The following ZSCAN32 variants were observed in gnomAD, a reference collection of about 807,000 sequenced individuals.
The protein encoded by ZSCAN32 is zinc finger and SCAN domain-containing protein 32.
Under a neutral mutation model 47.4 loss-of-function variants are expected in ZSCAN32, and 52 were observed. The ratio of observed to expected loss-of-function variants is 1.10; its 90% CI spans 0.88 to 1.38. ZSCAN32 has a LOEUF of 1.38. Ranked by LOEUF, ZSCAN32 falls within the 40% of genes most tolerant of loss-of-function variation. The pLI is 0.00. For synonymous variants in ZSCAN32, 346 were observed against 305.7 expected (o/e 1.13, Z -1.38); for missense variants, 959 against 846.0 (o/e 1.13, Z -1.66).
intron 3 of ZSCAN32, among the ~76,000 whole-genome samples, chr16:3,391,768 G>T (rs1267979111): frequency 1.3e-5 from 2 of 148,192 alleles, no homozygotes; most frequent in African/African-American, 5.0e-5. Context: ...ACATCATCAA[G>T]ACACACTGTT....
chr16:3,383,018 T>C lies in ZSCAN32; in HGVS notation c.1928A>G (p.Asn643Ser), dbSNP rs1277788549. ...YKCAVCGKIF[N>S]NSSHFSAHRK... ...GTGGGCACTGAAGTGGGAGCTATTG[T>C]TGAAGATTTTCCCACACACTGCACA... The change falls in exon 7 of 7, where the codon AAC becomes AGC. Residue 643 changes from asparagine (N) to serine (S), a missense_variant. Coordinates refer to ENST00000396852, the MANE Select transcript of ZSCAN32 (RefSeq NM_001284527.2). 1.2e-6 allele frequency: 2 copies of C among 1,614,122 alleles called. No homozygotes were observed. The highest frequency in any genetic ancestry group is 8.5e-7 in the Non-Finnish European group (1 of 1,179,976).
At position 3,384,228 on chromosome 16, in the gene ZSCAN32, T is replaced by A. The variant is rs188295915; in HGVS notation, c.1234+231A>T. ...TCTGACAATGCATAGTGAAACTCCA[T>A]GGGAAAAGATGACATGAACTTAGTT... is the stretch of plus-strand genomic sequence containing the variant. On this transcript the variant is annotated intron_variant, in intron 6 of 6. Transcript: ENST00000396852. 1.4e-3 allele frequency: 864 copies of A among 612,128 alleles called. 5 individuals carry two copies. Among genetic ancestry groups the A allele is most frequent in the African/African-American group, 0.014 (751 of 54,136 alleles). The allele number at this position is 612,128 out of a possible 1,614,324, so 37.9% of individuals were successfully genotyped here.
At chr16:3,399,984 T>C (rs2033735885) in intron 1 of ZSCAN32, among the ~76,000 whole-genome samples, 1 of 152,186 alleles carries the variant, frequency 6.6e-6, no homozygotes, top group Non-Finnish European at 1.5e-5. Flanking sequence ...ATTTACATTT[T>C]CTCCAGGGGC....
rs936968359 is a variant in ZSCAN32, at chr16:3,390,436, G to A, written c.614C>T (p.Thr205Ile). 1.3e-6 allele frequency: 2 copies of A among 1,550,244 alleles called. No homozygotes were observed. Among genetic ancestry groups the A allele is most frequent in the Non-Finnish European group, 1.7e-6 (2 of 1,146,922 alleles). The change falls in exon 4 of 7, where the codon ACA (threonine) becomes ATA (isoleucine). Residue 205 changes from threonine to isoleucine, a missense_variant. Transcript: ENST00000396852. ...ACCACAGCTCACCTGGGACCCAGCT[G>A]TCCAGACCACAGCACCTGTCTCCTG... ...HDQETGAVVW[T>I]AGSQGPAMRD...
Position 3,382,691 on chromosome 16 carries a change from G to C in ZSCAN32, c.*161C>G. On this transcript the variant is annotated 3_prime_UTR_variant, in exon 7 of 7. Transcript: ENST00000396852. ...GGAGTCACAGGCACAGCCAGGAGAG[G>C]TCAGCGTCCTTATGCTGACTCCTGG... 1 of 1,135,388 alleles carries C rather than the reference G, an allele frequency of 8.8e-7. No homozygotes were observed. The highest frequency in any genetic ancestry group is 1.2e-6 in the Non-Finnish European group (1 of 835,782). The allele number at this position is 1,135,388 out of a possible 1,614,324, so 70.3% of individuals were successfully genotyped here. A position where few individuals can be genotyped will look rare whatever the true frequency, so the allele number is the denominator to read the frequency against.
intron 5 of ZSCAN32, among the ~76,000 whole-genome samples, chr16:3,387,623 C>G (rs993095296): frequency 6.6e-6 from 1 of 152,170 alleles, no homozygotes; most frequent in Non-Finnish European, 1.5e-5. Context: ...CTTGTCACCC[C>G]CTCTTCTCCA....
chr16:3,382,669 G>A lies in ZSCAN32; in HGVS notation c.*183C>T. ...AGTCACAGTAAGATAGGACTCTGGAGTCACAGGCACAGCCAGGAGAGGTCA... is the reference window on the plus strand; with the variant it reads ...AGTCACAGTAAGATAGGACTCTGGAATCACAGGCACAGCCAGGAGAGGTCA... On this transcript the variant is annotated 3_prime_UTR_variant, in exon 7 of 7. Coordinates refer to ENST00000396852, the MANE Select transcript of ZSCAN32 (RefSeq NM_001284527.2). 3.7e-6 allele frequency: 3 copies of A among 805,848 alleles called. No individual in the cohort carries two copies. Among genetic ancestry groups the A allele is most frequent in the Non-Finnish European group, 5.4e-6 (3 of 558,432 alleles). 49.9% of individuals were successfully genotyped at this position (805,848 alleles called of 1,614,324 possible).
Position 3,384,787 on chromosome 16 carries a change from G to A in ZSCAN32, c.906C>T (p.Thr302=), listed in dbSNP as rs754610858. 3 of 1,614,122 alleles carry A rather than the reference G, an allele frequency of 1.9e-6. No individual in the cohort carries two copies. The South Asian group carries it at 3.3e-5, about 18-fold the overall frequency. ...EGLWEQGFLR[T]PEQCRTKFKS... ...TGAACTTGGTGCGACACTGTTCTGGGGTCCGCAGAAAACCCTGCTCCCAGA... is the reference window on the plus strand; with the variant it reads ...TGAACTTGGTGCGACACTGTTCTGGAGTCCGCAGAAAACCCTGCTCCCAGA... The change falls in exon 6 of 7, where the codon ACC becomes ACT. Residue 302 remains threonine (T), a synonymous_variant. Coordinates refer to ENST00000396852, the MANE Select transcript of ZSCAN32 (RefSeq NM_001284527.2).
At position 3,382,160 on chromosome 16, in the gene ZSCAN32, T is replaced by C. The variant is rs927810380; in HGVS notation, c.*692A>G. ...TTTGTTTATAGTAGTTTGTAAATTA[T>C]TATCAGAAATAGTAATGTCTATAAA... On this transcript the variant is annotated 3_prime_UTR_variant, in exon 7 of 7. Coordinates refer to ENST00000396852, the MANE Select transcript of ZSCAN32 (RefSeq NM_001284527.2). 1 of 152,236 alleles carries C rather than the reference T, an allele frequency of 6.6e-6. No individual in the cohort carries two copies. The highest frequency in any genetic ancestry group is 1.5e-5 in the Non-Finnish European group (1 of 68,048). The allele number at this position is 152,236 out of a possible 1,614,324, so 9.4% of individuals were successfully genotyped here.
rs139612347 is a variant in ZSCAN32, at chr16:3,383,310, C to T, written c.1636G>A (p.Glu546Lys). 207 of 1,614,182 alleles carry T rather than the reference C, an allele frequency of 1.3e-4. 2 individuals carry two copies. In the South Asian group the frequency reaches 1.3e-3, roughly 10 times the overall value. ...CACTCACTGCACTTGTGAGGCTTCT[C>T]GCCTGTGTGGATTCTTTGATGCCGA... Reference protein sequence around the residue: ...LVRHQRIHTGEKPHKCSECGK... With the variant: ...LVRHQRIHTGKKPHKCSECGK... The change falls in exon 7 of 7, where the codon GAG becomes AAG. Residue 546 changes from glutamate (E) to lysine (K), a missense_variant. Glu to Lys is a moderately conservative substitution (Grantham distance 56). Transcript: ENST00000396852.
At chr16:3,386,090 A>G (rs2031949002) in intron 5 of ZSCAN32, among the ~76,000 whole-genome samples, 1 of 152,194 alleles carries the variant, frequency 6.6e-6, no homozygotes, top group African/African-American at 2.4e-5. Context: ...ACTCTAACAA[A>G]TTTACAAGAA....
intron 5 of ZSCAN32, among the ~76,000 whole-genome samples, chr16:3,387,274 C>A (rs977791854): frequency 6.6e-6 from 1 of 152,140 alleles, no homozygotes; most frequent in African/African-American, 2.4e-5. Flanking sequence ...TCAAGGAAAG[C>A]AAAGATTCAG....
rs1322548188 is a variant in ZSCAN32 at position 3,389,274 on chromosome 16, A to G, written c.751+736T>C. On this transcript the variant is annotated intron_variant, in intron 5 of 6. Transcript: ENST00000396852. ...AAACCACACACCACTGGGGAGGGCA[A>G]CATTGTAGAGTGAGGCGGGGCACTG... Among the ~76,000 whole-genome samples the G allele has an allele frequency of 3.3e-5, 5 of 152,266 alleles. No homozygotes were observed. The East Asian group carries it at 7.7e-4, about 24-fold the overall frequency.
chr16:3,390,778 T>C (rs1332167518), intron 3 of ZSCAN32, among the ~76,000 whole-genome samples: 1 of 152,186 alleles, frequency 6.6e-6, no homozygotes, highest in African/African-American at 2.4e-5. Flanking sequence ...GCTCACGGCC[T>C]CTGTGAGTTG....
At chr16:3,384,397 G>T in intron 6 of ZSCAN32, 62 bp downstream of exon 6, 1 of 1,597,290 alleles carries the variant, frequency 6.3e-7, no homozygotes, top group Non-Finnish European at 8.5e-7. Flanking sequence ...TCAACTGCTA[G>T]GCTAATGGCC....
At chr16:3,390,350 G>A in intron 4 of ZSCAN32, 73 bp downstream of exon 4, 1 of 1,425,776 alleles carries the variant, frequency 7.0e-7, no homozygotes, top group Non-Finnish European at 9.5e-7. Context: ...TCTTTCTCAT[G>A]TCTCTGGAAA....
chr16:3,384,285 G>T, intron 6 of ZSCAN32, 174 bp downstream of exon 6: 2 of 879,928 alleles, frequency 2.3e-6, no homozygotes, highest in Non-Finnish European at 3.5e-6. Flanking sequence ...AATCAGGGCT[G>T]TAAAATGCAA....
Position 3,384,941 on chromosome 16 carries a change from G to A in ZSCAN32, c.752C>T (p.Ala251Val), listed in dbSNP as rs2031770316. 3 of 1,609,598 alleles carry A rather than the reference G, an allele frequency of 1.9e-6. No homozygotes were observed. The highest frequency in any genetic ancestry group is 1.3e-5 in the African/African-American group (1 of 74,690). ...TTCATAGCCCCAGGGCACACCTGTT[G>A]CTGGGGGACAAAGAATAGGTCAATT... ...TQRKDSHVSL[A>V]TGVPWGYEET... Residue 251 changes from alanine to valine, a missense_variant and splice_region_variant, in exon 6 of 7, where the codon GCA (alanine) becomes GTA (valine). Physicochemically the swap from Ala to Val is moderately conservative, Grantham distance 64. Transcript: ENST00000396852.
chr16:3,384,306 C>T (rs2031656301), intron 6 of ZSCAN32, 153 bp downstream of exon 6: 3 of 1,099,634 alleles, frequency 2.7e-6, no homozygotes, highest in East Asian at 2.4e-5. Flanking sequence ...GGGGAATAAC[C>T]TTTAACTCCA....
Sources: gnomAD v4.1 joint callset for allele counts (sites outside exome capture counted in the v4.1 genomes callset) on GRCh38, gnomAD v4.1.1 for gene constraint, MANE v1.5 for transcripts, NCBI Gene and HGNC (gene_info 2026-07-23, HGNC 2026-07-21) for gene names.